Variants in COQ6 observed in about 807,000 individuals in gnomAD.
COQ6 encodes the protein ubiquinone biosynthesis monooxygenase COQ6, mitochondrial.
COQ6 carries 45 observed loss-of-function variants against 55.5 expected under a neutral mutation model. That is an observed-to-expected ratio of 0.81 (90% CI 0.64 to 1.04). The LOEUF (loss-of-function observed/expected upper bound fraction) is 1.04. Ranked by LOEUF, COQ6 falls within the 50% of genes least tolerant of loss-of-function variation. COQ6 has a pLI of 0.00. For missense variants in COQ6, 550 were observed against 601.3 expected (o/e 0.91, Z 0.89); for synonymous variants, 206 against 230.5 (o/e 0.89, Z 0.96).
chr14:73,955,521 T>C lies in COQ6; in HGVS notation c.357+12T>C, dbSNP rs1439896293. ...TTCGGCGAATGCAGGTGCCCCTTTA[T>C]CTTTTCAATTTTGTCAAGATGTCTT... On this transcript the variant is annotated intron_variant, in intron 3 of 11. Coordinates refer to ENST00000334571, the MANE Select transcript of COQ6 (RefSeq NM_182476.3). The C allele has an allele frequency of 1.2e-6, 2 of 1,613,204 alleles. No homozygotes were observed. Among genetic ancestry groups the C allele is most frequent in the African/African-American group, 2.7e-5 (2 of 74,910 alleles).
At chr14:73,953,635 T>C in intron 2 of COQ6, 66 bp downstream of exon 2, 23 of 1,596,870 alleles carry the variant, frequency 1.4e-5, no homozygotes, top group Non-Finnish European at 2.0e-5. Context: ...GTGTATCCCA[T>C]GGGGCAGAGT....
chr14:73,955,509 G>C lies in COQ6; in HGVS notation c.357G>C (p.Gln119His), dbSNP rs778339208. The change falls in exon 3 of 12, where the codon CAG becomes CAC. Residue 119 changes from glutamine to histidine, a missense_variant and splice_region_variant. Physicochemically the swap from Gln to His is conservative, Grantham distance 24. Transcript: ENST00000334571. Reference protein sequence around the residue: ...NMRYRAFRRMQVWDACSEALI... With the variant: ...NMRYRAFRRMHVWDACSEALI... ...GATACAGAGCCTTTCGGCGAATGCA[G>C]GTGCCCCTTTATCTTTTCAATTTTG... The C allele has an allele frequency of 5.6e-6, 9 of 1,613,690 alleles. No individual in the cohort carries two copies. Among genetic ancestry groups the C allele is most frequent in the Non-Finnish European group, 7.6e-6 (9 of 1,179,700 alleles).
At position 73,961,177 on chromosome 14, in the gene COQ6, G is replaced by T; in HGVS notation, c.896G>T (p.Ser299Ile). The part of the protein sequence containing the change: ...FVDAVNSAFW[S>I]DADHTDFIDT... ...CTTGTGGCTGATGCTGCTCAGTGGA[G>T]TGATGCTGACCACACGGACTTCATC... Residue 299 changes from serine to isoleucine, a missense_variant, in exon 9 of 12, where the codon AGT (serine) becomes ATT (isoleucine). Physicochemically the swap from Ser to Ile is moderately radical, Grantham distance 142 (BLOSUM62 -2). Coordinates refer to ENST00000334571, the MANE Select transcript of COQ6 (RefSeq NM_182476.3). 1 of 1,613,558 alleles carries T rather than the reference G, an allele frequency of 6.2e-7. No homozygotes were observed.
intron 8 of COQ6, 108 bp downstream of exon 8, chr14:73,959,630 C>CG (rs1186213696): frequency 1.3e-6 from 2 of 1,566,990 alleles, no homozygotes; most frequent in African/African-American, 2.7e-5. Context: ...CGCAGTGGCG[C>CG]GATCTTGGCT....
chr14:73,960,006 A>G, intron 8 of COQ6: 1 of 1,031,974 alleles, frequency 9.7e-7, no homozygotes, highest in Non-Finnish European at 1.2e-6. Context: ...AATAAATAAT[A>G]ACCTTTTGAG....
chr14:73,950,063 A>G (rs780415251), upstream of COQ6: 35 of 1,609,356 alleles, frequency 2.2e-5, no homozygotes, highest in African/African-American at 3.3e-4. Context: ...AGTGACAGCG[A>G]TAGTGGCAGC....
chr14:73,953,637 G>A (rs1320795001), intron 2 of COQ6, 68 bp downstream of exon 2: 2 of 1,596,716 alleles, frequency 1.3e-6, no homozygotes, highest in Admixed American at 1.7e-5. Flanking sequence ...GTATCCCATG[G>A]GGCAGAGTCA....
intron 1 of COQ6, chr14:73,950,726 A>T: frequency 1.7e-6 from 1 of 586,308 alleles, no homozygotes; most frequent in Non-Finnish European, 3.0e-6. Context: ...TCATGGGAAA[A>T]CAGGCCTTCC....
At chr14:73,952,543 A>T (rs191928320) in intron 1 of COQ6, among the ~76,000 whole-genome samples, 2,575 of 151,296 alleles carry the variant, frequency 0.017, 72 homozygotes, top group African/African-American at 0.059. Flanking sequence ...AGTTAAAAAA[A>T]ATTTTTTTTT....
chr14:73,950,124 T>C, upstream of COQ6: 2 of 1,600,180 alleles, frequency 1.2e-6, no homozygotes, highest in South Asian at 2.2e-5. Context: ...CTTTCTAGCT[T>C]TGGCGTCTGG....
chr14:73,956,126 C>A (rs972012120), intron 4 of COQ6, 198 bp downstream of exon 4: 32 of 582,608 alleles, frequency 5.5e-5, no homozygotes, highest in Non-Finnish European at 6.8e-5. Flanking sequence ...AGATGGAGAC[C>A]ATCCTGGCTA....
intron 4 of COQ6, among the ~76,000 whole-genome samples, chr14:73,956,998 C>T (rs543978649): frequency 1.3e-5 from 2 of 152,226 alleles, no homozygotes; most frequent in African/African-American, 4.8e-5. Flanking sequence ...TACACCAAAG[C>T]TGTAATTGCA....
chr14:73,954,566 G>A (rs534946061), intron 2 of COQ6, among the ~76,000 whole-genome samples: 3 of 152,234 alleles, frequency 2.0e-5, no homozygotes, highest in Non-Finnish European at 4.4e-5. Flanking sequence ...ATTTGGGGCC[G>A]GGTGCGGTGG....
rs556316781 is a variant in COQ6, at chr14:73,961,385, T to C, written c.1094+10T>C. The C allele has an allele frequency of 4.3e-6, 7 of 1,614,166 alleles. No homozygotes were observed. The highest frequency in any genetic ancestry group is 2.7e-5 in the African/African-American group (2 of 75,044). On this transcript the variant is annotated intron_variant, in intron 9 of 11. Coordinates refer to ENST00000334571, the MANE Select transcript of COQ6 (RefSeq NM_182476.3). The stretch of plus-strand genomic sequence containing the variant: ...GGGTGGCGCTCATTGGGTAAGACGA[T>C]AACAGAGCAGGGCCACTCCCTTCTC...
At chr14:73,958,392 T>G in intron 5 of COQ6, 115 bp downstream of exon 5, 4 of 1,558,290 alleles carry the variant, frequency 2.6e-6, no homozygotes, top group Non-Finnish European at 3.5e-6. Flanking sequence ...AAACTTTTGG[T>G]TATGAGGACC....
intron 8 of COQ6, chr14:73,960,569 G>T: frequency 7.8e-6 from 8 of 1,025,172 alleles, no homozygotes; most frequent in Non-Finnish European, 9.4e-6. Context: ...CCTGGCACAG[G>T]TCTAGGTCCT....
upstream of COQ6, chr14:73,950,238 C>T (rs1353523407): frequency 1.9e-6 from 3 of 1,538,504 alleles, no homozygotes; most frequent in Admixed American, 2.0e-5. Flanking sequence ...TCTGAGGACG[C>T]CGCGGAAGCG....
intron 7 of COQ6, 29 bp from the exon 8 acceptor site, chr14:73,959,386 C>T: frequency 6.2e-7 from 1 of 1,614,122 alleles, no homozygotes; most frequent in Non-Finnish European, 8.5e-7. Flanking sequence ...AGAGTCTTAG[C>T]CGTTGGTATT....
At chr14:73,961,059 C>T (rs1297791596) in intron 8 of COQ6, 114 bp from the exon 9 acceptor site, 1 of 1,204,458 alleles carries the variant, frequency 8.3e-7, no homozygotes, top group African/African-American at 1.5e-5. Context: ...TCAGTGTAGG[C>T]AAGTTGGGTA....
Sources: allele counts gnomAD v4.1 joint callset (sites outside exome capture counted in the v4.1 genomes callset), GRCh38; gene constraint gnomAD v4.1.1; transcripts MANE v1.5; gene names NCBI Gene and HGNC (gene_info 2026-07-23, HGNC 2026-07-21).